The following KCNIP4 variants were observed in gnomAD, a reference collection of about 807,000 sequenced individuals.
The protein encoded by KCNIP4 is Kv channel-interacting protein 4.
A neutral mutation model predicts 34.0 loss-of-function variants in KCNIP4; 12 were observed. That is an observed-to-expected ratio of 0.35 (90% CI 0.23 to 0.57). The LOEUF is 0.57. Ranked by LOEUF, KCNIP4 falls within the 20% of genes least tolerant of loss-of-function variation. The probability of loss-of-function intolerance (pLI) is 0.83; values close to 1 mark genes in which losing one functional copy is unlikely to be tolerated. For missense variants in KCNIP4, 238 were observed against 311.7 expected, an observed-to-expected ratio of 0.76 and a Z score of 1.78; for synonymous variants, 124 against 102.2, an observed-to-expected ratio of 1.21 and a Z score of -1.29.
intron 1 of KCNIP4, among the ~76,000 whole-genome samples, chr4:21,501,244 T>TCACACACACACACACACA (rs755377009): frequency 6.3e-5 from 9 of 142,454 alleles, no homozygotes; most frequent in African/African-American, 2.5e-4. Context: ...TCTCTCTCTC[T>TCACACACACACACACACA]CTCTCACACA....
intron 1 of KCNIP4, among the ~76,000 whole-genome samples, chr4:21,862,322 T>C (rs1436824793): frequency 1.3e-5 from 2 of 152,192 alleles, no homozygotes; most frequent in Non-Finnish European, 2.9e-5. Context: ...CAACAAATAT[T>C]GTTATTTATT....
intron 1 of KCNIP4, among the ~76,000 whole-genome samples, chr4:20,947,831 C>T (rs1457819402): frequency 6.6e-6 from 1 of 152,218 alleles, no homozygotes; most frequent in Non-Finnish European, 1.5e-5. Context: ...TCCTCATTTA[C>T]ATCCCTACAT....
rs191457338 is a variant in KCNIP4, at chr4:20,997,228, G to A, written c.62-114519C>T. The stretch of plus-strand genomic sequence containing the variant: ...AAGCAACCACAACCATGAAAGAAAA[G>A]AGAAAGGAAACAAGAGACAGGAAAA... On this transcript the variant is annotated intron_variant, in intron 1 of 8. Coordinates refer to ENST00000382152, the MANE Select transcript of KCNIP4 (RefSeq NM_025221.6). Among the ~76,000 whole-genome samples the A allele has an allele frequency of 4.3e-4, 65 of 152,294 alleles. No individual in the cohort carries two copies. In the Middle Eastern group the frequency reaches 0.017, roughly 40 times the overall value.
At position 21,490,171 on chromosome 4, in the gene KCNIP4, A is replaced by C. The variant is rs530882086; in HGVS notation, c.61+458400T>G. 8.5e-5 allele frequency among the ~76,000 whole-genome samples: 13 copies of C among 152,248 alleles called. No individual in the cohort carries two copies. The South Asian group carries it at 2.3e-3, about 27-fold the overall frequency. The stretch of plus-strand genomic sequence containing the variant: ...TAACAGATAATTTTGAAGTCTATTC[A>C]TTTTCATAAACTTATAGGTTGGGAA... On this transcript the variant is annotated intron_variant, in intron 1 of 8. Transcript: ENST00000382152.
intron 1 of KCNIP4, among the ~76,000 whole-genome samples, chr4:21,247,759 T>TATATATATATATATACACAC (rs1366204923): frequency 1.7e-5 from 2 of 120,000 alleles, no homozygotes; most frequent in South Asian, 5.1e-4. Context: ...TATATATATA[T>TATATATATATATATACACAC]ACACCCCACA....
intron 1 of KCNIP4, among the ~76,000 whole-genome samples, chr4:21,241,709 T>C (rs1188654219): frequency 6.6e-6 from 1 of 152,142 alleles, no homozygotes; most frequent in Non-Finnish European, 1.5e-5. Context: ...TTATTTTTAG[T>C]TTTCTTTTGT....
rs1175189576 is a variant in KCNIP4 at position 20,927,027 on chromosome 4, CTG to C, written c.62-44320_62-44319del. Among the ~76,000 whole-genome samples the C allele has an allele frequency of 3.3e-3, 508 of 152,218 alleles. 6 individuals are homozygous for C. Among genetic ancestry groups the C allele is most frequent in the African/African-American group, 0.012 (487 of 41,532 alleles). ...CTCGAGTCTCGCTCTATCGCCCAGG[CTG>C]GAGTGCAGGTGTGATCTCGGCTCAC... On this transcript the variant is annotated intron_variant, in intron 1 of 8. Coordinates refer to ENST00000382152, the MANE Select transcript of KCNIP4 (RefSeq NM_025221.6).
chr4:21,903,248 A>AT (rs1453487071), intron 1 of KCNIP4, among the ~76,000 whole-genome samples: 6 of 152,096 alleles, frequency 3.9e-5, no homozygotes, highest in African/African-American at 1.2e-4. Flanking sequence ...AATTTGAGAT[A>AT]TTTTTTTGAC....
At chr4:21,619,738 C>G (rs1049361892) in intron 1 of KCNIP4, among the ~76,000 whole-genome samples, 10 of 152,246 alleles carry the variant, frequency 6.6e-5, no homozygotes, top group Admixed American at 6.5e-4. Flanking sequence ...TGAACCAGGA[C>G]TTTAGCTGGT....
chr4:21,214,938 A>G (rs778189248), intron 1 of KCNIP4, among the ~76,000 whole-genome samples: 45 of 152,178 alleles, frequency 3.0e-4, no homozygotes, highest in Non-Finnish European at 1.3e-4. Flanking sequence ...GCAATTTTTC[A>G]TTATGAGTTT....
intron 1 of KCNIP4, among the ~76,000 whole-genome samples, chr4:21,931,202 C>T (rs1483818090): frequency 6.6e-6 from 1 of 151,582 alleles, no homozygotes; most frequent in South Asian, 2.1e-4. Context: ...GAAATATGCA[C>T]CTACAATAGG....
At chr4:21,740,600 A>T (rs1272564323) in intron 1 of KCNIP4, among the ~76,000 whole-genome samples, 1 of 152,174 alleles carries the variant, frequency 6.6e-6, no homozygotes, top group Non-Finnish European at 1.5e-5. Flanking sequence ...TTCAAATCTG[A>T]CAGACTTACA....
chr4:21,087,425 C>T (rs1465273994), intron 1 of KCNIP4, among the ~76,000 whole-genome samples: 1 of 152,036 alleles, frequency 6.6e-6, no homozygotes, highest in Non-Finnish European at 1.5e-5. Context: ...GATCTGCCCA[C>T]CTCAGACTCA....
intron 1 of KCNIP4, among the ~76,000 whole-genome samples, chr4:20,925,677 A>G (rs570897574): frequency 1.3e-5 from 2 of 152,274 alleles, no homozygotes; most frequent in Non-Finnish European, 2.9e-5. Context: ...GGCAACATCC[A>G]AGAACCCTCT....
chr4:21,146,097 T>A (rs1333077347), intron 1 of KCNIP4, among the ~76,000 whole-genome samples: 1 of 152,070 alleles, frequency 6.6e-6, no homozygotes, highest in Non-Finnish European at 1.5e-5. Context: ...AAGAGAAAAA[T>A]CCTTAAAAGT....
At chr4:20,939,216 G>A (rs1194881805) in intron 1 of KCNIP4, among the ~76,000 whole-genome samples, 1 of 151,958 alleles carries the variant, frequency 6.6e-6, no homozygotes, top group African/African-American at 2.4e-5. Context: ...TCACTCCATA[G>A]GTTTCCTGGA....
At chr4:21,816,385 C>T (rs1239197626) in intron 1 of KCNIP4, among the ~76,000 whole-genome samples, 1 of 151,992 alleles carries the variant, frequency 6.6e-6, no homozygotes, top group East Asian at 1.9e-4. Flanking sequence ...AAGGGAGACA[C>T]TTAAAAAGAA....
intron 1 of KCNIP4, among the ~76,000 whole-genome samples, chr4:21,387,181 A>C (rs1722106938): frequency 6.6e-6 from 1 of 152,196 alleles, no homozygotes; most frequent in African/African-American, 2.4e-5. Flanking sequence ...ACTGCTCAGT[A>C]GGGACTAAAT....
chr4:21,541,196 A>AAAAG (rs1491503333), intron 1 of KCNIP4, among the ~76,000 whole-genome samples: 19 of 146,824 alleles, frequency 1.3e-4, no homozygotes, highest in Non-Finnish European at 2.2e-4. Flanking sequence ...AAAAAAAAAA[A>AAAAG]AGAGAGAGAG....
Sources: allele counts gnomAD v4.1 joint callset (sites outside exome capture counted in the v4.1 genomes callset), GRCh38; gene constraint gnomAD v4.1.1; transcripts MANE v1.5; gene names NCBI Gene and HGNC (gene_info 2026-07-23, HGNC 2026-07-21).